ARFGEF3: variants seen among roughly 807,000 people sequenced by gnomAD.
ARFGEF3 encodes ARFGEF family member 3.
In ARFGEF3, 96 loss-of-function variants were observed where a neutral mutation model predicts 221.7. The observed-to-expected ratio is 0.43, with a 90% CI of 0.37 to 0.51. The LOEUF (loss-of-function observed/expected upper bound fraction) is 0.51. Among genes scored for constraint, ARFGEF3 ranks in the 20% least tolerant of loss-of-function variants. The pLI is 0.00. For missense variants in ARFGEF3, 2,410 were observed against 2,789.9 expected (o/e 0.86, Z 3.07); for synonymous variants, 1,145 against 1,126.8 (o/e 1.02, Z -0.32).
intron 5 of ARFGEF3, among the ~76,000 whole-genome samples, chr6:138,237,128 G>A (rs1020641313): frequency 2.6e-5 from 4 of 151,908 alleles, no homozygotes; most frequent in African/African-American, 9.7e-5. Context: ...AACATAGTGA[G>A]GCATGGCAGA....
intron 32 of ARFGEF3, 24 bp from the exon 33 acceptor site, chr6:138,333,946 C>G (rs1386426528): frequency 1.9e-6 from 3 of 1,581,398 alleles, no homozygotes; most frequent in Non-Finnish European, 2.6e-6. Context: ...AACCATTAAT[C>G]GAGCCCTCTC....
At chr6:138,255,926 G>T (rs921999013) in intron 10 of ARFGEF3, among the ~76,000 whole-genome samples, 157 bp downstream of exon 10, 1 of 152,174 alleles carries the variant, frequency 6.6e-6, no homozygotes, top group Non-Finnish European at 1.5e-5. Flanking sequence ...GAGTCAGTGC[G>T]TGTGTACATG....
Position 138,311,393 on chromosome 6 carries a change from C to T in ARFGEF3, c.4097-14C>T, listed in dbSNP as rs1463966458. ...GGTAACACTGTTGGTCTCTGTCTCCCGTGCCGCCCCTAGGGGAGGTGGACT... is the reference window on the plus strand; with the variant it reads ...GGTAACACTGTTGGTCTCTGTCTCCTGTGCCGCCCCTAGGGGAGGTGGACT... On this transcript the variant is annotated splice_polypyrimidine_tract_variant and intron_variant, in intron 24 of 33. Coordinates refer to ENST00000251691, the MANE Select transcript of ARFGEF3 (RefSeq NM_020340.5). The T allele has an allele frequency of 3.2e-6, 5 of 1,570,902 alleles. No homozygotes were observed. Among genetic ancestry groups the T allele is most frequent in the Non-Finnish European group, 3.5e-6 (4 of 1,152,260 alleles).
chr6:138,211,288 C>T (rs1458735325), intron 4 of ARFGEF3, among the ~76,000 whole-genome samples: 3 of 152,216 alleles, frequency 2.0e-5, no homozygotes, highest in Non-Finnish European at 4.4e-5. Context: ...GAATGTGCAG[C>T]TTTCACTAGC....
intron 17 of ARFGEF3, among the ~76,000 whole-genome samples, chr6:138,288,955 A>AT (rs5880381): frequency 0.086 from 12,977 of 150,334 alleles, 858 homozygotes; most frequent in South Asian, 0.25. Flanking sequence ...GTCATCTACA[A>AT]TTTTTTTTTT....
At chr6:138,209,775 T>A in intron 3 of ARFGEF3, 135 bp from the exon 4 acceptor site, 1 of 1,110,404 alleles carries the variant, frequency 9.0e-7, no homozygotes, top group Non-Finnish European at 1.3e-6. Context: ...GCACATAGCG[T>A]AAGTTCTTTC....
At chr6:138,223,545 C>A (rs992573246) in intron 4 of ARFGEF3, among the ~76,000 whole-genome samples, 20 of 152,090 alleles carry the variant, frequency 1.3e-4, no homozygotes, top group African/African-American at 4.8e-4. Context: ...AATGAAACCA[C>A]AGTTCCCCCC....
intron 22 of ARFGEF3, among the ~76,000 whole-genome samples, chr6:138,303,816 C>A (rs183298631): frequency 1.6e-3 from 211 of 128,082 alleles, no homozygotes; most frequent in Non-Finnish European, 2.2e-3. Flanking sequence ...GAGCCAAGAT[C>A]GTGCCATTGC....
At chr6:138,290,203 T>C (rs542965430) in intron 18 of ARFGEF3, among the ~76,000 whole-genome samples, 3 of 152,334 alleles carry the variant, frequency 2.0e-5, no homozygotes, top group Non-Finnish European at 4.4e-5. Context: ...TGAGGAATTG[T>C]GACTTTTCTA....
At chr6:138,271,586 G>A (rs1779003713) in intron 12 of ARFGEF3, among the ~76,000 whole-genome samples, 2 of 152,180 alleles carry the variant, frequency 1.3e-5, no homozygotes, top group African/African-American at 2.4e-5. Flanking sequence ...TGAGACACAG[G>A]TTAAGTAATA....
At chr6:138,171,364 T>A (rs1013397085) in intron 2 of ARFGEF3, among the ~76,000 whole-genome samples, 2 of 148,482 alleles carry the variant, frequency 1.3e-5, no homozygotes, top group Non-Finnish European at 2.9e-5. Flanking sequence ...GATCAAAACT[T>A]ATGTGAAGGA....
chr6:138,262,801 C>T lies in ARFGEF3; in HGVS notation c.1318C>T (p.Leu440Phe), dbSNP rs1426064069. The change falls in exon 12 of 34, where the codon CTC becomes TTC. Residue 440 changes from leucine to phenylalanine, a missense_variant. Leu to Phe is a conservative substitution (Grantham distance 22). Around this residue, in one of 5 missense-constraint regions of ARFGEF3, gnomAD observed 570 missense variants for 586.9 expected, o/e 0.97. Transcript: ENST00000251691. ...VCTLLGALDELSQGKGLSEGQ... is the reference protein window; with the variant it reads ...VCTLLGALDEFSQGKGLSEGQ... ...CACCTTGCTGGGTGCCCTGGATGAG[C>T]TCAGCCAGGGGAAGGGCTTGAGCGA... 1 of 1,614,036 alleles carries T rather than the reference C, an allele frequency of 6.2e-7. No homozygotes were observed. The highest frequency in any genetic ancestry group is 8.5e-7 in the Non-Finnish European group (1 of 1,179,902).
chr6:138,330,431 C>G (rs74626165), intron 32 of ARFGEF3, among the ~76,000 whole-genome samples: 3,888 of 151,950 alleles, frequency 0.026, 77 homozygotes, highest in South Asian at 0.043. Flanking sequence ...TGTTTGTAAG[C>G]CACCCAGTCT....
chr6:138,308,096 A>C (rs1779759327), intron 23 of ARFGEF3, among the ~76,000 whole-genome samples: 1 of 152,222 alleles, frequency 6.6e-6, no homozygotes, highest in Admixed American at 6.5e-5. Context: ...GTTGAAGCCC[A>C]TTAGAGATCT....
At chr6:138,263,741 T>C (rs1288292842) in intron 12 of ARFGEF3, 130 bp downstream of exon 12, 1 of 884,822 alleles carries the variant, frequency 1.1e-6, no homozygotes, top group Non-Finnish European at 1.7e-6. Context: ...GTTTCCCCAG[T>C]TTAAAGAGGG....
chr6:138,322,514 T>C (rs868765485), intron 29 of ARFGEF3, among the ~76,000 whole-genome samples: 1 of 151,580 alleles, frequency 6.6e-6, no homozygotes, highest in Non-Finnish European at 1.5e-5. Flanking sequence ...CAAAATGGAG[T>C]ACTATTCAGC....
At chr6:138,217,557 T>C (rs1178639880) in intron 4 of ARFGEF3, 1 of 156,684 alleles carries the variant, frequency 6.4e-6, no homozygotes, top group Admixed American at 6.3e-5. Context: ...TCCTCAACTC[T>C]TGACTCAGGC....
chr6:138,231,265 T>A (rs1266118836), intron 5 of ARFGEF3, among the ~76,000 whole-genome samples: 1 of 152,106 alleles, frequency 6.6e-6, no homozygotes, highest in African/African-American at 2.4e-5. Flanking sequence ...CCCGTCCAGA[T>A]AGGATGCAAC....
In ARFGEF3 at chr6:138,210,703, G is replaced by A. The variant is rs115824218; in HGVS notation, c.351+662G>A. ...GCCCCGTAACAGCACCTTGGTCATG[G>A]TAACACAGCAGGAACCAACAAGAAA... On this transcript the variant is annotated intron_variant, in intron 4 of 33. Transcript: ENST00000251691. Among the ~76,000 whole-genome samples the A allele has an allele frequency of 3.5e-3, 527 of 152,158 alleles. 1 individual carries two copies. Among genetic ancestry groups the A allele is most frequent in the African/African-American group, 0.012 (496 of 41,508 alleles).
Sources: gnomAD v4.1 joint callset for allele counts (sites outside exome capture counted in the v4.1 genomes callset) on GRCh38, gnomAD v4.1.1 for gene constraint, gnomAD v4.1.1 regional missense constraint, MANE v1.5 for transcripts, NCBI Gene and HGNC (gene_info 2026-07-23, HGNC 2026-07-21) for gene names.